The following ROBO2 variants were observed in gnomAD, a reference collection of about 807,000 sequenced individuals.
The protein encoded by ROBO2 is roundabout homolog 2.
A neutral mutation model predicts 160.8 loss-of-function variants in ROBO2; 53 were observed. The ratio of observed to expected loss-of-function variants is 0.33; its 90% CI spans 0.26 to 0.41. The LOEUF is 0.41. ROBO2 is among the 10% of genes least tolerant of loss of function. ROBO2 has a pLI of 1.00. For synonymous variants in ROBO2, 664 were observed against 611.7 expected (o/e 1.09, Z -1.26); for missense variants, 1,577 against 1,722.4 (o/e 0.92, Z 1.49).
At chr3:76,481,264 C>T (rs1048110486) in intron 2 of ROBO2, among the ~76,000 whole-genome samples, 1 of 152,000 alleles carries the variant, frequency 6.6e-6, no homozygotes, top group African/African-American at 2.4e-5. Flanking sequence ...TAAATGATAT[C>T]ATCTGTATTG....
chr3:77,049,185 C>G (rs2064980209), intron 1 of ROBO2, among the ~76,000 whole-genome samples: 1 of 151,996 alleles, frequency 6.6e-6, no homozygotes, highest in Non-Finnish European at 1.5e-5. Context: ...AAAAAGTTAG[C>G]TGGGCATGGT....
At chr3:76,945,294 G>A (rs1006605636) in intron 2 of ROBO2, among the ~76,000 whole-genome samples, 1 of 152,182 alleles carries the variant, frequency 6.6e-6, no homozygotes, top group South Asian at 2.1e-4. Flanking sequence ...TTTTATTATT[G>A]ATGTCGCTCT....
intron 2 of ROBO2, among the ~76,000 whole-genome samples, chr3:77,160,392 T>C (rs1220771230): frequency 1.3e-5 from 2 of 152,180 alleles, no homozygotes; most frequent in East Asian, 3.8e-4. Flanking sequence ...ATGGTGATGA[T>C]GTATTTGTAG....
At chr3:77,491,396 A>G (rs2086090939) in intron 4 of ROBO2, among the ~76,000 whole-genome samples, 1 of 152,150 alleles carries the variant, frequency 6.6e-6, no homozygotes. Flanking sequence ...TAGTTTTTGG[A>G]TGAATAGCTG....
At chr3:76,613,224 T>C (rs1232580832) in intron 2 of ROBO2, among the ~76,000 whole-genome samples, 3 of 152,140 alleles carry the variant, frequency 2.0e-5, no homozygotes, top group Admixed American at 6.5e-5. Flanking sequence ...GAAGATGATT[T>C]TCTCTGTTGG....
At chr3:77,595,332 G>A (rs2094277313) in intron 18 of ROBO2, 148 bp downstream of exon 19, 2 of 665,626 alleles carry the variant, frequency 3.0e-6, no homozygotes, top group East Asian at 5.4e-5. Context: ...AAAGTTTAAT[G>A]ATCTATCTGT....
intron 2 of ROBO2, among the ~76,000 whole-genome samples, chr3:76,136,960 A>T (rs1008913384): frequency 5.3e-5 from 8 of 152,066 alleles, no homozygotes; most frequent in Non-Finnish European, 1.0e-4. Context: ...TAAGTGGATT[A>T]TCATAGGAAA....
chr3:77,268,709 T>G (rs1307261685), intron 2 of ROBO2, among the ~76,000 whole-genome samples: 1 of 152,204 alleles, frequency 6.6e-6, no homozygotes, highest in African/African-American at 2.4e-5. Context: ...CTTGGAATCT[T>G]GAGACAACAT....
chr3:77,182,955 G>C (rs1475665858), intron 2 of ROBO2, among the ~76,000 whole-genome samples: 1 of 151,858 alleles, frequency 6.6e-6, no homozygotes, highest in East Asian at 1.9e-4. Flanking sequence ...CCCTATCTTA[G>C]GGAATAGAAG....
intron 2 of ROBO2, among the ~76,000 whole-genome samples, chr3:76,115,109 C>T (rs1192959023): frequency 6.6e-6 from 1 of 152,060 alleles, no homozygotes; most frequent in African/African-American, 2.4e-5. Flanking sequence ...CTCAACTTCG[C>T]ATAAATCACT....
At chr3:77,171,557 A>G (rs968533786) in intron 2 of ROBO2, among the ~76,000 whole-genome samples, 1 of 152,250 alleles carries the variant, frequency 6.6e-6, no homozygotes, top group African/African-American at 2.4e-5. Context: ...TATTTGTGGT[A>G]TGTTTCCTCA....
chr3:76,387,451 T>C (rs2076947088), intron 2 of ROBO2, among the ~76,000 whole-genome samples: 1 of 150,958 alleles, frequency 6.6e-6, no homozygotes, highest in Admixed American at 6.6e-5. Flanking sequence ...TTTTTATTTG[T>C]TAGAATAAAT....
intron 2 of ROBO2, among the ~76,000 whole-genome samples, chr3:76,943,125 A>T (rs2149122574): frequency 6.6e-6 from 1 of 152,316 alleles, no homozygotes; most frequent in African/African-American, 2.4e-5. Flanking sequence ...TGTTCATCAC[A>T]AAATAAGTTC....
At chr3:76,403,826 T>C (rs983064965) in intron 2 of ROBO2, among the ~76,000 whole-genome samples, 1 of 151,638 alleles carries the variant, frequency 6.6e-6, no homozygotes, top group Non-Finnish European at 1.5e-5. Context: ...AACATTTTGC[T>C]CTGAGAAAAT....
chr3:76,375,750 G>T (rs928719743), intron 2 of ROBO2, among the ~76,000 whole-genome samples: 19 of 152,012 alleles, frequency 1.2e-4, no homozygotes, highest in African/African-American at 4.6e-4. Context: ...CAAAAAACTA[G>T]AAAGTAATTT....
At chr3:76,165,180 G>T (rs2106948073) in intron 2 of ROBO2, among the ~76,000 whole-genome samples, 1 of 152,228 alleles carries the variant, frequency 6.6e-6, no homozygotes, top group East Asian at 1.9e-4. Context: ...TGTCTCCATT[G>T]AAAAGCTGTT....
intron 2 of ROBO2, among the ~76,000 whole-genome samples, chr3:76,712,643 C>G (rs1428029037): frequency 6.6e-6 from 1 of 151,764 alleles, no homozygotes; most frequent in Non-Finnish European, 1.5e-5. Flanking sequence ...CTGCTGCACT[C>G]CAGCCTGGGC....
intron 2 of ROBO2, among the ~76,000 whole-genome samples, chr3:76,316,887 C>T (rs962914110): frequency 8.5e-5 from 13 of 152,210 alleles, no homozygotes; most frequent in African/African-American, 3.1e-4. Context: ...CTTCCTGCAA[C>T]AACTTAAGAC....
chr3:76,753,794 T>C (rs1349002684), intron 2 of ROBO2, among the ~76,000 whole-genome samples: 1 of 151,906 alleles, frequency 6.6e-6, no homozygotes, highest in African/African-American at 2.4e-5. Flanking sequence ...TAGGGGCTGC[T>C]CTTAGCATTA....
Sources: allele counts gnomAD v4.1 joint callset (sites outside exome capture counted in the v4.1 genomes callset), GRCh38; gene constraint gnomAD v4.1.1; transcripts MANE v1.5; gene names NCBI Gene and HGNC (gene_info 2026-07-23, HGNC 2026-07-21).